The following TUNAR variants were observed in gnomAD, a reference collection of about 807,000 sequenced individuals.
TUNAR encodes the protein transmembrane neural differentiation associated intracellular calcium regulator, also known as protein TUNAR.
intron 2 of TUNAR, among the ~76,000 whole-genome samples, chr14:95,919,586 G>A (rs12100833): frequency 0.047 from 7,081 of 151,862 alleles, 546 homozygotes; most frequent in African/African-American, 0.16. Flanking sequence ...GGTGGTGCAC[G>A]CTGGTGGTAC....
intron 2 of TUNAR, among the ~76,000 whole-genome samples, chr14:95,892,994 GC>G (rs903285936): frequency 6.6e-6 from 1 of 152,130 alleles, no homozygotes; most frequent in African/African-American, 2.4e-5. Flanking sequence ...CAAGGAGGTG[GC>G]CCCTCTGAAA....
At position 95,895,571 on chromosome 14, in the gene TUNAR, A is replaced by G. The variant is rs183286030; in HGVS notation, c.12+18394A>G. Among the ~76,000 whole-genome samples the G allele has an allele frequency of 1.6e-4, 24 of 152,282 alleles. No homozygotes were observed. The highest frequency in any genetic ancestry group is 2.9e-4 in the Non-Finnish European group (20 of 68,016). ...AGTTCCCGACGCATCCTCCAGGATCATGGTTCGCTCAGCCTCACATTGCTA... is the reference window on the plus strand; with the variant it reads ...AGTTCCCGACGCATCCTCCAGGATCGTGGTTCGCTCAGCCTCACATTGCTA... On this transcript the variant is annotated intron_variant, in intron 2 of 2. Transcript: ENST00000678517. The surrounding 1 kb of genome is among the most constrained non-coding windows in gnomAD (Gnocchi z 4.5).
At chr14:95,910,704 T>G (rs1246572147) in intron 2 of TUNAR, among the ~76,000 whole-genome samples, 1 of 94,970 alleles carries the variant, frequency 1.1e-5, no homozygotes, top group Non-Finnish European at 1.9e-5. Flanking sequence ...TTGAGTGGCT[T>G]GTCTGATGAC....
At chr14:95,891,890 G>C (rs932124780) in intron 2 of TUNAR, among the ~76,000 whole-genome samples, 1 of 152,178 alleles carries the variant, frequency 6.6e-6, no homozygotes, top group South Asian at 2.1e-4. Context: ...GCAATCCTTG[G>C]CATTCTTGCC....
intron 2 of TUNAR, among the ~76,000 whole-genome samples, chr14:95,899,110 G>A (rs902008680): frequency 1.3e-5 from 2 of 152,208 alleles, no homozygotes; most frequent in African/African-American, 4.8e-5. Context: ...ATTGCATGGA[G>A]GCTGGCATCT....
chr14:95,912,063 T>G (rs957991140), intron 2 of TUNAR, among the ~76,000 whole-genome samples: 1 of 152,200 alleles, frequency 6.6e-6, no homozygotes, highest in African/African-American at 2.4e-5. Flanking sequence ...ACTTGGCTGG[T>G]GAGGTTCTTT....
At chr14:95,905,162 G>A (rs1462519507) in intron 2 of TUNAR, among the ~76,000 whole-genome samples, 1 of 152,242 alleles carries the variant, frequency 6.6e-6, no homozygotes, top group African/African-American at 2.4e-5. Context: ...AGTCATTTCC[G>A]CACCCAGTGG....
intron 2 of TUNAR, among the ~76,000 whole-genome samples, chr14:95,911,355 G>A (rs371222121): frequency 3.5e-4 from 54 of 152,316 alleles, no homozygotes; most frequent in East Asian, 2.1e-3. Flanking sequence ...AGTTCACTGC[G>A]TGCCCTCTCT....
intron 2 of TUNAR, among the ~76,000 whole-genome samples, chr14:95,900,654 G>A (rs1889338281): frequency 1.3e-5 from 2 of 152,218 alleles, no homozygotes; most frequent in African/African-American, 4.8e-5. Context: ...CTCCATGCTG[G>A]TTGCATAGTA....
chr14:95,879,337 T>G (rs1297852986), intron 2 of TUNAR, among the ~76,000 whole-genome samples: 1 of 152,230 alleles, frequency 6.6e-6, no homozygotes, highest in Non-Finnish European at 1.5e-5. Context: ...CTTTCATTTT[T>G]GACAGGCTCA....
At chr14:95,891,155 T>C (rs1051768488) in intron 2 of TUNAR, among the ~76,000 whole-genome samples, 1 of 152,208 alleles carries the variant, frequency 6.6e-6, no homozygotes, top group Non-Finnish European at 1.5e-5. Flanking sequence ...TTAGAGCAAA[T>C]GTTTGGCATA....
chr14:95,916,679 G>A (rs371037962), intron 2 of TUNAR, among the ~76,000 whole-genome samples: 6 of 152,262 alleles, frequency 3.9e-5, no homozygotes, highest in African/African-American at 1.4e-4. Flanking sequence ...AGTATGTTTG[G>A]CTTTATAAGA....
exon 2 of TUNAR, chr14:95,876,975 G>A (rs1418022318): frequency 1.3e-5 from 2 of 152,358 alleles, no homozygotes; most frequent in African/African-American, 2.4e-5. Flanking sequence ...AGCGCGCACG[G>A]GGTCCCGCGC....
At chr14:95,915,512 G>A (rs1889588713) in intron 2 of TUNAR, among the ~76,000 whole-genome samples, 1 of 152,200 alleles carries the variant, frequency 6.6e-6, no homozygotes, top group Admixed American at 6.5e-5. Flanking sequence ...CCCCATGGCA[G>A]CTTGATTGAC....
intron 2 of TUNAR, among the ~76,000 whole-genome samples, chr14:95,892,218 T>C (rs777720856): frequency 6.6e-6 from 1 of 152,228 alleles, no homozygotes; most frequent in East Asian, 1.9e-4. Flanking sequence ...CTGGTCAGTG[T>C]TCTCCCATCC....
intron 2 of TUNAR, among the ~76,000 whole-genome samples, chr14:95,878,518 G>T (rs1471609724): frequency 6.6e-6 from 1 of 151,910 alleles, no homozygotes; most frequent in Non-Finnish European, 1.5e-5. Context: ...AGGGTGGACT[G>T]ACCAGCCCTT....
At chr14:95,892,058 A>G (rs1313017760) in intron 2 of TUNAR, among the ~76,000 whole-genome samples, 1 of 152,244 alleles carries the variant, frequency 6.6e-6, no homozygotes. Flanking sequence ...ACTTAATTGC[A>G]TCAGCAGAGA....
intron 2 of TUNAR, among the ~76,000 whole-genome samples, chr14:95,891,202 C>G (rs1282026488): frequency 2.0e-5 from 3 of 152,206 alleles, no homozygotes; most frequent in African/African-American, 7.2e-5. Flanking sequence ...TCTGAAAGTG[C>G]ATCCCCATTC....
intron 2 of TUNAR, among the ~76,000 whole-genome samples, chr14:95,919,951 A>G (rs1191917240): frequency 6.6e-6 from 1 of 152,222 alleles, no homozygotes; most frequent in African/African-American, 2.4e-5. Context: ...GCCCGAATAT[A>G]TATACAAGAA....
Sources: allele counts gnomAD v4.1 joint callset (sites outside exome capture counted in the v4.1 genomes callset), GRCh38; gene constraint gnomAD v4.1.1; non-coding constraint Gnocchi (gnomAD v3.1); transcripts MANE v1.5; gene names NCBI Gene and HGNC (gene_info 2026-07-23, HGNC 2026-07-21).